Variants in XKR6 observed in about 807,000 individuals in gnomAD.
The protein encoded by XKR6 is XK related 6.
XKR6 carries 22 observed loss-of-function variants against 56.7 expected under a neutral mutation model. That is an observed-to-expected ratio of 0.39 (90% CI 0.28 to 0.55). The LOEUF (loss-of-function observed/expected upper bound fraction) is 0.55. Among genes scored for constraint, XKR6 ranks in the 20% least tolerant of loss-of-function variants. XKR6 has a pLI of 0.66. For missense variants in XKR6, 852 were observed against 889.0 expected (o/e 0.96, Z 0.53); for synonymous variants, 524 against 387.8 (o/e 1.35, Z -4.13).
intron 1 of XKR6, chr8:11,128,954 T>C (rs1006318671): frequency 2.2e-6 from 1 of 456,598 alleles, no homozygotes; most frequent in African/African-American, 2.0e-5. Flanking sequence ...AGCCAGAAAG[T>C]CTTTTTTTCA....
intron 1 of XKR6, among the ~76,000 whole-genome samples, chr8:11,064,310 C>G (rs1799923086): frequency 6.6e-6 from 1 of 152,156 alleles, no homozygotes; most frequent in Admixed American, 6.6e-5. Context: ...CCATCTCTGC[C>G]TCAGTTAATT....
At chr8:11,129,078 T>C (rs1475629437) in intron 1 of XKR6, 3 of 408,746 alleles carry the variant, frequency 7.3e-6, no homozygotes, top group South Asian at 3.6e-5. Flanking sequence ...GATGCATCCA[T>C]GTAATCAAGA....
At chr8:11,093,672 T>C (rs1798160074) in intron 1 of XKR6, among the ~76,000 whole-genome samples, 1 of 152,182 alleles carries the variant, frequency 6.6e-6, no homozygotes, top group Admixed American at 6.5e-5. Context: ...AGTGAATAAC[T>C]ACTTCAAGTC....
intron 1 of XKR6, among the ~76,000 whole-genome samples, chr8:11,082,732 G>C (rs1325007436): frequency 6.6e-6 from 1 of 152,170 alleles, no homozygotes; most frequent in Admixed American, 6.5e-5. Context: ...CTGGGACACA[G>C]CTCAGGTTTG....
chr8:11,101,539 T>C (rs919082510), intron 1 of XKR6, among the ~76,000 whole-genome samples: 1 of 152,206 alleles, frequency 6.6e-6, no homozygotes. Context: ...GATGGAGAGA[T>C]GGAAGACAGG....
chr8:11,110,704 G>T (rs546236954), intron 1 of XKR6, among the ~76,000 whole-genome samples: 1 of 152,142 alleles, frequency 6.6e-6, no homozygotes, highest in South Asian at 2.1e-4. Context: ...AAAGATAGCC[G>T]CTCGAGGACT....
At chr8:11,026,341 A>T (rs1446280188) in intron 1 of XKR6, among the ~76,000 whole-genome samples, 1 of 151,440 alleles carries the variant, frequency 6.6e-6, no homozygotes, top group African/African-American at 2.4e-5. Flanking sequence ...CTATACACTT[A>T]GATAGTGTTG....
intron 2 of XKR6, among the ~76,000 whole-genome samples, chr8:10,908,428 C>T (rs560884522): frequency 3.3e-5 from 5 of 152,062 alleles, no homozygotes; most frequent in Non-Finnish European, 5.9e-5. Context: ...GCTTCCCCCT[C>T]CCAGGAATCT....
At chr8:10,910,747 A>C (rs923979360) in intron 2 of XKR6, among the ~76,000 whole-genome samples, 1 of 152,178 alleles carries the variant, frequency 6.6e-6, no homozygotes, top group African/African-American at 2.4e-5. Context: ...CCCCTGCTTC[A>C]CTTGTCTGTT....
intron 1 of XKR6, among the ~76,000 whole-genome samples, chr8:11,186,254 C>A (rs1016444098): frequency 6.6e-6 from 1 of 152,178 alleles, no homozygotes; most frequent in Non-Finnish European, 1.5e-5. Flanking sequence ...TCTCTATCCA[C>A]CAAAATGCAG....
At chr8:11,104,611 CTG>C (rs1563138942) in intron 1 of XKR6, 1 of 152,192 alleles carries the variant, frequency 6.6e-6, no homozygotes, top group African/African-American at 2.4e-5. Flanking sequence ...TCACACAAAA[CTG>C]TGACATATAC....
At chr8:10,928,949 G>A (rs1172743122) in intron 1 of XKR6, among the ~76,000 whole-genome samples, 7 of 152,206 alleles carry the variant, frequency 4.6e-5, no homozygotes, top group Non-Finnish European at 8.8e-5. Context: ...AAATACACGG[G>A]GGTGAAAGCA....
At chr8:11,197,873 G>T (rs184057227) in intron 1 of XKR6, among the ~76,000 whole-genome samples, 1 of 151,906 alleles carries the variant, frequency 6.6e-6, no homozygotes, top group Non-Finnish European at 1.5e-5. Context: ...TCGGTGTTGT[G>T]CTCTGTCCAA....
chr8:10,975,583 G>A (rs544734280), intron 1 of XKR6, among the ~76,000 whole-genome samples: 90 of 152,298 alleles, frequency 5.9e-4, no homozygotes, highest in African/African-American at 1.9e-3. Flanking sequence ...TGCACAACGC[G>A]TGTGGTCTCG....
At chr8:10,965,271 G>C (rs535789745) in intron 1 of XKR6, among the ~76,000 whole-genome samples, 112 of 152,286 alleles carry the variant, frequency 7.4e-4, no homozygotes, top group African/African-American at 2.5e-3. Context: ...TCAGCCCTAC[G>C]GGCATGGATG....
At chr8:11,041,649 T>G (rs997876712) in intron 1 of XKR6, among the ~76,000 whole-genome samples, 1 of 151,666 alleles carries the variant, frequency 6.6e-6, no homozygotes, top group Non-Finnish European at 1.5e-5. Flanking sequence ...TGCTGGTACG[T>G]GGGTAGTGGG....
At chr8:11,140,351 C>A (rs1422408084) in intron 1 of XKR6, among the ~76,000 whole-genome samples, 1 of 152,180 alleles carries the variant, frequency 6.6e-6, no homozygotes, top group African/African-American at 2.4e-5. Context: ...CTAAGCCTAT[C>A]AACCACAAAT....
intron 1 of XKR6, among the ~76,000 whole-genome samples, chr8:11,033,810 G>A (rs1281077728): frequency 6.6e-6 from 1 of 152,096 alleles, no homozygotes; most frequent in Non-Finnish European, 1.5e-5. Context: ...TGACTCCTAG[G>A]GGTCCAGAAA....
At chr8:11,013,724 C>G (rs1291527607) in intron 1 of XKR6, among the ~76,000 whole-genome samples, 1 of 152,196 alleles carries the variant, frequency 6.6e-6, no homozygotes, top group Non-Finnish European at 1.5e-5. Flanking sequence ...AAACCAGCAC[C>G]TTCATGTTTA....
Sources: allele counts gnomAD v4.1 joint callset (sites outside exome capture counted in the v4.1 genomes callset), GRCh38; gene constraint gnomAD v4.1.1; transcripts MANE v1.5; gene names NCBI Gene and HGNC (gene_info 2026-07-23, HGNC 2026-07-21).